ST7: variants seen among roughly 807,000 people sequenced by gnomAD.
The protein encoded by ST7 is suppressor of tumorigenicity 7 protein.
ST7 carries 28 observed loss-of-function variants against 78.7 expected under a neutral mutation model. That is an observed-to-expected ratio of 0.36 (90% CI 0.26 to 0.49). The LOEUF (loss-of-function observed/expected upper bound fraction) is 0.49. Ranked by LOEUF, ST7 falls within the 20% of genes least tolerant of loss-of-function variation. ST7 has a pLI of 0.99. For synonymous variants in ST7, 247 were observed against 249.6 expected (o/e 0.99, Z 0.10); for missense variants, 418 against 696.0 (o/e 0.60, Z 4.49).
chr7:117,189,236 C>A, intron 10 of ST7, 85 bp from the exon 11 acceptor site: 1 of 859,128 alleles, frequency 1.2e-6, no homozygotes, highest in South Asian at 1.7e-5. Context: ...TGCACTTAAA[C>A]GTGATTAAAA....
intron 12 of ST7, among the ~76,000 whole-genome samples, chr7:117,199,926 G>A (rs1728240172): frequency 6.6e-6 from 1 of 152,156 alleles, no homozygotes; most frequent in African/African-American, 2.4e-5. Context: ...GTAGGGGAGT[G>A]GCCTGGCTGT....
intron 3 of ST7, among the ~76,000 whole-genome samples, chr7:117,126,303 G>T (rs1441481575): frequency 1.3e-5 from 2 of 151,742 alleles, no homozygotes; most frequent in African/African-American, 4.8e-5. Context: ...GTTAAATTGG[G>T]TGTAGAATAA....
chr7:117,029,263 T>C (rs1159322548), intron 1 of ST7, among the ~76,000 whole-genome samples: 1 of 152,188 alleles, frequency 6.6e-6, no homozygotes, highest in African/African-American at 2.4e-5. Context: ...CATTTAGTAT[T>C]GTCAGTCTTT....
chr7:117,114,396 C>T (rs538683512), intron 2 of ST7, among the ~76,000 whole-genome samples: 205 of 151,738 alleles, frequency 1.4e-3, no homozygotes, highest in Non-Finnish European at 2.5e-3. Context: ...CCAGATAATC[C>T]CTTTTGCCAA....
rs34132237 is a variant in ST7 at position 116,958,162 on chromosome 7, A to ATTT, written c.151+4493_151+4495dup. Among the ~76,000 whole-genome samples, 494 of 95,558 alleles carry ATTT rather than the reference A, an allele frequency of 5.2e-3. 2 individuals are homozygous for ATTT. Among genetic ancestry groups the ATTT allele is most frequent in the African/African-American group, 9.5e-3 (225 of 23,658 alleles). The allele number at this position is 95,558 out of a possible 152,430, so 62.7% of individuals were successfully genotyped here. ...AGGTGCACACCACAGTGCGTGGCTA[A>ATTT]TTTTTTTTTTTTTTTTTTTTTTTTG... On this transcript the variant is annotated intron_variant, in intron 1 of 15. Transcript: ENST00000323984.
chr7:117,180,912 A>G (rs1022789011), intron 10 of ST7, among the ~76,000 whole-genome samples: 1 of 152,194 alleles, frequency 6.6e-6, no homozygotes, highest in African/African-American at 2.4e-5. Context: ...TTGGCCTCCC[A>G]AAGTGCTGGG....
intron 1 of ST7, among the ~76,000 whole-genome samples, chr7:116,989,347 T>C (rs1461993772): frequency 6.6e-6 from 1 of 152,184 alleles, no homozygotes; most frequent in Non-Finnish European, 1.5e-5. Flanking sequence ...GCTCACCTTT[T>C]TCACTAGGCT....
At chr7:117,097,790 G>A (rs1274274866) in intron 1 of ST7, among the ~76,000 whole-genome samples, 3 of 132,972 alleles carry the variant, frequency 2.3e-5, no homozygotes, top group South Asian at 2.5e-4. Flanking sequence ...TTCCTTCCAC[G>A]AACAAACTGT....
At chr7:117,126,919 T>C (rs967938235) in intron 3 of ST7, among the ~76,000 whole-genome samples, 1 of 151,950 alleles carries the variant, frequency 6.6e-6, no homozygotes, top group Admixed American at 6.6e-5. Context: ...CCCTTTTTCT[T>C]GAATTTCATT....
intron 9 of ST7, among the ~76,000 whole-genome samples, chr7:117,155,802 C>G (rs1455558895): frequency 6.6e-6 from 1 of 152,184 alleles, no homozygotes; most frequent in African/African-American, 2.4e-5. Flanking sequence ...AGTTTAAACT[C>G]TAAAAGTGGC....
chr7:117,099,657 T>TCC, intron 1 of ST7, 105 bp from the exon 2 acceptor site: 1 of 754,156 alleles, frequency 1.3e-6, no homozygotes, highest in Non-Finnish European at 2.1e-6. Context: ...ATTATCATCA[T>TCC]CAGAAATAAA....
intron 15 of ST7, among the ~76,000 whole-genome samples, chr7:117,227,090 A>G (rs1793495700): frequency 6.6e-6 from 1 of 152,212 alleles, no homozygotes; most frequent in Non-Finnish European, 1.5e-5. Flanking sequence ...GCCCAAAACA[A>G]AGCAAACAAA....
At chr7:117,033,863 G>T (rs989680166) in intron 1 of ST7, among the ~76,000 whole-genome samples, 2 of 152,122 alleles carry the variant, frequency 1.3e-5, no homozygotes, top group African/African-American at 4.8e-5. Flanking sequence ...AACTTCTCTG[G>T]CTTCAGTTTC....
In ST7 at chr7:117,025,536, G is replaced by T. The variant is rs77080230; in HGVS notation, c.151+71845G>T. 5.0e-3 allele frequency among the ~76,000 whole-genome samples: 754 copies of T among 152,210 alleles called. 4 individuals carry two copies. Among genetic ancestry groups the T allele is most frequent in the African/African-American group, 0.016 (665 of 41,520 alleles). On this transcript the variant is annotated intron_variant, in intron 1 of 15. Coordinates refer to ENST00000323984, the MANE Select transcript of ST7 (RefSeq NM_001369598.1). ...CAAAAATAGAAATACTTAAGTATGT[G>T]CACAAAAACCCACCTCTAAGTCTGC...
intron 3 of ST7, among the ~76,000 whole-genome samples, chr7:117,127,509 A>G (rs575795576): frequency 1.3e-5 from 2 of 151,996 alleles, no homozygotes; most frequent in South Asian, 4.1e-4. Flanking sequence ...ATAAAAATAT[A>G]CCTGTCTTGC....
chr7:117,130,401 T>C, intron 4 of ST7, 90 bp from the exon 5 acceptor site: 1 of 853,942 alleles, frequency 1.2e-6, no homozygotes, highest in Non-Finnish European at 1.8e-6. Flanking sequence ...CAGTTAATGG[T>C]CTATATTTCA....
At chr7:117,099,066 CAAAAA>C (rs55999217) in intron 1 of ST7, among the ~76,000 whole-genome samples, 1 of 94,540 alleles carries the variant, frequency 1.1e-5, no homozygotes, top group African/African-American at 3.8e-5. Context: ...AAAAAAAAAA[CAAAAA>C]AAAAAGAAGA....
At chr7:117,099,491 A>C (rs1286048321) in intron 1 of ST7, among the ~76,000 whole-genome samples, 1 of 152,208 alleles carries the variant, frequency 6.6e-6, no homozygotes, top group East Asian at 1.9e-4. Flanking sequence ...AATCCATGAA[A>C]ACCGTTATCA....
intron 15 of ST7, among the ~76,000 whole-genome samples, chr7:117,224,713 A>G (rs941640332): frequency 6.6e-6 from 1 of 152,112 alleles, no homozygotes; most frequent in Admixed American, 6.6e-5. Context: ...CAGAAATCCA[A>G]AATCTTGAGT....
Sources: gnomAD v4.1 joint callset for allele counts (sites outside exome capture counted in the v4.1 genomes callset) on GRCh38, gnomAD v4.1.1 for gene constraint, MANE v1.5 for transcripts, NCBI Gene and HGNC (gene_info 2026-07-23, HGNC 2026-07-21) for gene names.